The following UBE4B variants were observed in gnomAD, a reference collection of about 807,000 sequenced individuals.
UBE4B encodes the protein ubiquitin conjugation factor E4 B.
A neutral mutation model predicts 148.1 loss-of-function variants in UBE4B; 27 were observed. That is an observed-to-expected ratio of 0.18 (90% CI 0.13 to 0.25). UBE4B has a LOEUF of 0.25. Ranked by LOEUF, UBE4B falls within the 10% of genes least tolerant of loss-of-function variation. UBE4B has a pLI of 1.00. For synonymous variants in UBE4B, 596 were observed against 619.3 expected, an observed-to-expected ratio of 0.96 and a Z score of 0.56; for missense variants, 1,170 against 1,662.4, an observed-to-expected ratio of 0.70 and a Z score of 5.15.
At chr1:10,101,286 C>G (rs182207323) in intron 4 of UBE4B, 91 bp downstream of exon 4, 24 of 1,256,362 alleles carry the variant, frequency 1.9e-5, no homozygotes, top group Non-Finnish European at 5.7e-6. Flanking sequence ...TGGGGCCACC[C>G]GAAATCAGGA....
chr1:10,128,961 A>G (rs1472226232), intron 11 of UBE4B: 1 of 154,160 alleles, frequency 6.5e-6, no homozygotes, highest in Non-Finnish European at 1.4e-5. Flanking sequence ...AGCTTATTAA[A>G]TTGTAATTAT....
At chr1:10,113,231 C>T (rs1645250250) in intron 7 of UBE4B, among the ~76,000 whole-genome samples, 1 of 152,140 alleles carries the variant, frequency 6.6e-6, no homozygotes, top group Non-Finnish European at 1.5e-5. Context: ...GTCCCAGACT[C>T]TTTTAAACAA....
At chr1:10,034,748 T>G (rs528363400) in intron 1 of UBE4B, among the ~76,000 whole-genome samples, 1 of 152,340 alleles carries the variant, frequency 6.6e-6, no homozygotes, top group Admixed American at 6.5e-5. Flanking sequence ...TGTGTTTACT[T>G]AGGGACTGAA....
intron 1 of UBE4B, among the ~76,000 whole-genome samples, chr1:10,049,052 A>G (rs1014236703): frequency 5.3e-5 from 8 of 152,156 alleles, no homozygotes; most frequent in African/African-American, 1.9e-4. Context: ...AAGAGTTCCA[A>G]ATAATAAATT....
intron 14 of UBE4B, 149 bp downstream of exon 14, chr1:10,130,962 G>C: frequency 1.5e-6 from 1 of 669,812 alleles, no homozygotes; most frequent in Non-Finnish European, 2.6e-6. Flanking sequence ...CTATAAGTAA[G>C]TAGCCTGTGT....
At chr1:10,130,912 G>C in intron 14 of UBE4B, 99 bp downstream of exon 14, 1 of 986,440 alleles carries the variant, frequency 1.0e-6, no homozygotes, top group Non-Finnish European at 1.6e-6. Context: ...TAGACAAACG[G>C]CTAACAAAAG....
chr1:10,169,532 T>A (rs147578811), intron 24 of UBE4B, among the ~76,000 whole-genome samples: 146 of 152,302 alleles, frequency 9.6e-4, no homozygotes, highest in African/African-American at 3.2e-3. Flanking sequence ...CCCTTAAAAG[T>A]TTGCAAAGTG....
intron 2 of UBE4B, among the ~76,000 whole-genome samples, chr1:10,080,600 A>G (rs1430340118): frequency 6.6e-6 from 1 of 152,146 alleles, no homozygotes; most frequent in African/African-American, 2.4e-5. Context: ...CTGAAGAGAT[A>G]CCTCTACTCA....
chr1:10,093,298 A>G (rs530787196), intron 2 of UBE4B, among the ~76,000 whole-genome samples: 33 of 152,278 alleles, frequency 2.2e-4, no homozygotes, highest in Non-Finnish European at 3.5e-4. Context: ...GTGATGGTGT[A>G]TTATTTATTC....
chr1:10,166,251 A>G (rs1646244046), intron 23 of UBE4B: 1 of 152,188 alleles, frequency 6.6e-6, no homozygotes, highest in Non-Finnish European at 1.5e-5. Flanking sequence ...CAGAGCCTGC[A>G]GTGCAGTACC....
chr1:10,068,894 G>T (rs1282509262), intron 1 of UBE4B, among the ~76,000 whole-genome samples: 1 of 152,160 alleles, frequency 6.6e-6, no homozygotes, highest in Non-Finnish European at 1.5e-5. Context: ...CCCCTGCATG[G>T]CTCTTCCTAA....
chr1:10,104,940 A>G (rs1339717434), intron 5 of UBE4B, among the ~76,000 whole-genome samples: 1 of 152,248 alleles, frequency 6.6e-6, no homozygotes, highest in Admixed American at 6.5e-5. Flanking sequence ...GACCAACAGT[A>G]AATCAACTGG....
intron 19 of UBE4B, among the ~76,000 whole-genome samples, chr1:10,148,011 T>G (rs1200056043): frequency 1.3e-5 from 2 of 152,116 alleles, no homozygotes. Context: ...GTGGATCACA[T>G]GGTCAGGAGA....
At chr1:10,137,307 T>A in intron 17 of UBE4B, 102 bp downstream of exon 17, 1 of 1,455,044 alleles carries the variant, frequency 6.9e-7, no homozygotes, top group Non-Finnish European at 9.5e-7. Context: ...TTGGGGGAGG[T>A]ATGTACGTTA....
At chr1:10,150,862 G>GAAA (rs751799095) in intron 20 of UBE4B, among the ~76,000 whole-genome samples, 1 of 107,586 alleles carries the variant, frequency 9.3e-6, no homozygotes. Context: ...TCCATCTCAA[G>GAAA]AAAAAAAAAA....
At chr1:10,128,206 G>A (rs1328925114) in intron 11 of UBE4B, 1 of 152,230 alleles carries the variant, frequency 6.6e-6, no homozygotes, top group Non-Finnish European at 1.5e-5. Flanking sequence ...GGGTTGTGGT[G>A]TGAATTAGCT....
At chr1:10,050,188 C>G in intron 1 of UBE4B, among the ~76,000 whole-genome samples, 1 of 152,158 alleles carries the variant, frequency 6.6e-6, no homozygotes, top group Admixed American at 6.6e-5. Context: ...TCTCCTGCCT[C>G]AGCCTCCCGA....
chr1:10,076,305 C>T (rs1398859745), intron 2 of UBE4B, among the ~76,000 whole-genome samples: 4 of 148,462 alleles, frequency 2.7e-5, no homozygotes, highest in East Asian at 2.0e-4. Flanking sequence ...AGTGCAATGA[C>T]GTGATCTTGG....
rs70998351 is a variant in UBE4B, at chr1:10,137,921, C to CTT, written c.2363+746_2363+747dup. ...ACCTTGCTTAAATCACTTACTAATTCTTTTTTTTTTTTTTTTTTTTTTTTT... is the reference window on the plus strand; with the variant it reads ...ACCTTGCTTAAATCACTTACTAATTCTTTTTTTTTTTTTTTTTTTTTTTTTTT... On this transcript the variant is annotated intron_variant, in intron 17 of 27. Coordinates refer to ENST00000343090, the MANE Select transcript of UBE4B (RefSeq NM_001105562.3). 1.4e-3 allele frequency among the ~76,000 whole-genome samples: 95 copies of CTT among 67,044 alleles called. 5 individuals carry two copies. The highest frequency in any genetic ancestry group is 2.5e-3 in the African/African-American group (36 of 14,552). The allele number at this position is 67,044 out of a possible 152,430, so 44.0% of individuals were successfully genotyped here.
Sources: allele counts gnomAD v4.1 joint callset (sites outside exome capture counted in the v4.1 genomes callset), GRCh38; gene constraint gnomAD v4.1.1; transcripts MANE v1.5; gene names NCBI Gene and HGNC (gene_info 2026-07-23, HGNC 2026-07-21).